Variants in FBRSL1 observed in about 807,000 individuals in gnomAD.
FBRSL1 encodes the protein fibrosin-1-like protein.
A neutral mutation model predicts 89.6 loss-of-function variants in FBRSL1; 51 were observed. The observed-to-expected ratio is 0.57, with a 90% CI of 0.45 to 0.72. The LOEUF (loss-of-function observed/expected upper bound fraction) is 0.72. Ranked by LOEUF, FBRSL1 falls within the 30% of genes least tolerant of loss-of-function variation. FBRSL1 has a pLI of 0.00. For missense variants in FBRSL1, 1,618 were observed against 1,451.8 expected (o/e 1.11, Z -1.86); for synonymous variants, 779 against 681.1 (o/e 1.14, Z -2.24).
At chr12:132,536,442 CTGTG>C (rs1566161838) in intron 4 of FBRSL1, among the ~76,000 whole-genome samples, 9 of 146,480 alleles carry the variant, frequency 6.1e-5, no homozygotes. Flanking sequence ...GTGTACATGA[CTGTG>C]AGTGCATGTG....
chr12:132,541,098 G>A (rs941020122), intron 4 of FBRSL1, among the ~76,000 whole-genome samples: 3 of 148,382 alleles, frequency 2.0e-5, no homozygotes, highest in Non-Finnish European at 4.5e-5. Context: ...AGCCTGGGGG[G>A]CACAGCCTCC....
At chr12:132,509,234 G>A in intron 2 of FBRSL1, 1 of 1,253,242 alleles carries the variant, frequency 8.0e-7, no homozygotes, top group Non-Finnish European at 9.9e-7. Context: ...CCCAGCGCCA[G>A]CAACAGCTCC....
At chr12:132,574,683 C>A (rs1181606356) in intron 14 of FBRSL1, 119 bp downstream of exon 14, 6 of 1,267,518 alleles carry the variant, frequency 4.7e-6, no homozygotes, top group Non-Finnish European at 6.4e-6. Context: ...GTGATCCTCA[C>A]GCGTGAGCCG....
At chr12:132,570,632 C>T (rs1263823451) in intron 8 of FBRSL1, 92 bp downstream of exon 8, 5 of 1,152,212 alleles carry the variant, frequency 4.3e-6, no homozygotes, top group South Asian at 3.3e-5. Context: ...TGGCCCTCCA[C>T]CTGCTGTGGT....
At chr12:132,551,566 T>G (rs923448751) in intron 5 of FBRSL1, 4 of 456,148 alleles carry the variant, frequency 8.8e-6, no homozygotes, top group Non-Finnish European at 1.8e-5. Context: ...GAGCTTGGTT[T>G]GGGGTGCCAG....
At chr12:132,516,193 T>G (rs920930890) in intron 2 of FBRSL1, among the ~76,000 whole-genome samples, 1 of 110,984 alleles carries the variant, frequency 9.0e-6, no homozygotes, top group Non-Finnish European at 1.9e-5. Context: ...CCGAATAGTC[T>G]TTTTTTTTTT....
rs1230128285 is a variant in FBRSL1 at position 132,490,172 on chromosome 12, G to GCGC, written c.-388_-386dup. 10 of 147,554 alleles carry GCGC rather than the reference G, an allele frequency of 6.8e-5. No individual in the cohort carries two copies. The highest frequency in any genetic ancestry group is 2.2e-4 in the African/African-American group (9 of 40,616). 9.1% of individuals were successfully genotyped at this position (147,554 alleles called of 1,614,324 possible). On this transcript the variant is annotated 5_prime_UTR_variant, in exon 1 of 19. Coordinates refer to ENST00000680143, the MANE Select transcript of FBRSL1 (RefSeq NM_001367871.1). ...GTGCGTCAGTTGTTATCTGTTCGGG[G>GCGC]CGCCGCCGCCGCCTCACGAGCCCGG...
intron 4 of FBRSL1, among the ~76,000 whole-genome samples, chr12:132,545,197 T>C (rs2037589917): frequency 6.6e-6 from 1 of 152,052 alleles, no homozygotes; most frequent in Non-Finnish European, 1.5e-5. Context: ...GGGCCTGGGG[T>C]CTGTCCTCTG....
At chr12:132,547,862 C>G (rs1171571643) in intron 4 of FBRSL1, 141 bp from the exon 5 acceptor site, 1 of 839,424 alleles carries the variant, frequency 1.2e-6, no homozygotes. Context: ...CCCCGACCAC[C>G]TGGGCCTGCT....
intron 1 of FBRSL1, among the ~76,000 whole-genome samples, chr12:132,501,925 G>C (rs1454809727): frequency 6.6e-6 from 1 of 152,236 alleles, no homozygotes; most frequent in Non-Finnish European, 1.5e-5. Context: ...CCTGCCCGGT[G>C]TCTCCAGCAC....
chr12:132,560,589 T>C (rs1340923609), intron 5 of FBRSL1, among the ~76,000 whole-genome samples: 1 of 152,114 alleles, frequency 6.6e-6, no homozygotes, highest in African/African-American at 2.4e-5. Context: ...GTTCTTTGTC[T>C]GGGGCGGGGC....
In FBRSL1 at chr12:132,492,810, G is replaced by A. The variant is rs114311282; in HGVS notation, c.291+1949G>A. Reference sequence around the variant, plus strand: ...TTCATGTCCCTTCCTCTGCCCTTCGGAGCCTGCCTGGGAAAGTACGGGGCT... The same window carrying A: ...TTCATGTCCCTTCCTCTGCCCTTCGAAGCCTGCCTGGGAAAGTACGGGGCT... On this transcript the variant is annotated intron_variant, in intron 1 of 18. Transcript: ENST00000680143. Among the ~76,000 whole-genome samples, 689 of 152,318 alleles carry A rather than the reference G, an allele frequency of 4.5e-3. 2 individuals are homozygous for A. Among genetic ancestry groups the A allele is most frequent in the African/African-American group, 0.016 (655 of 41,558 alleles).
chr12:132,510,997 A>C, intron 2 of FBRSL1: 1 of 987,170 alleles, frequency 1.0e-6, no homozygotes, highest in African/African-American at 1.7e-5. Flanking sequence ...CGTGCTGGGC[A>C]TGAAGGATCT....
At chr12:132,531,000 G>GT (rs1021741078) in intron 4 of FBRSL1, among the ~76,000 whole-genome samples, 15 of 150,772 alleles carry the variant, frequency 9.9e-5, no homozygotes, top group Non-Finnish European at 1.8e-4. Context: ...AGTGTGGGGG[G>GT]GGGGGTGCAG....
intron 14 of FBRSL1, among the ~76,000 whole-genome samples, chr12:132,576,191 A>G (rs1367997150): frequency 7.6e-6 from 1 of 131,580 alleles, no homozygotes; most frequent in African/African-American, 3.0e-5. Context: ...ATGCTTTTTC[A>G]GTTTCTTTTT....
intron 4 of FBRSL1, among the ~76,000 whole-genome samples, chr12:132,545,737 C>A (rs2037635636): frequency 6.6e-6 from 1 of 152,200 alleles, no homozygotes; most frequent in African/African-American, 2.4e-5. Flanking sequence ...GGCAGGTGGC[C>A]CCCAGGCCAC....
intron 1 of FBRSL1, among the ~76,000 whole-genome samples, chr12:132,494,680 C>T (rs2031692452): frequency 1.3e-5 from 2 of 152,254 alleles, no homozygotes; most frequent in Admixed American, 6.5e-5. Context: ...CAGCAAATCA[C>T]TTTCACCTGG....
intron 5 of FBRSL1, among the ~76,000 whole-genome samples, chr12:132,564,102 G>A (rs892853944): frequency 2.0e-5 from 3 of 152,206 alleles, no homozygotes; most frequent in East Asian, 3.9e-4. Context: ...CTCACAGAGC[G>A]CGTGCCGACA....
At chr12:132,528,397 G>A (rs567984073) in intron 4 of FBRSL1, among the ~76,000 whole-genome samples, 1 of 152,284 alleles carries the variant, frequency 6.6e-6, no homozygotes, top group South Asian at 2.1e-4. Context: ...ATTTGGTGTG[G>A]GAGGTGCCCA....
Sources: allele counts gnomAD v4.1 joint callset (sites outside exome capture counted in the v4.1 genomes callset), GRCh38; gene constraint gnomAD v4.1.1; transcripts MANE v1.5; gene names NCBI Gene and HGNC (gene_info 2026-07-23, HGNC 2026-07-21).